The following ERC1 variants were observed in gnomAD, a reference collection of about 807,000 sequenced individuals.
ERC1 encodes RAB6 interacting protein 2.
ERC1 carries 56 observed loss-of-function variants against 132.0 expected under a neutral mutation model. That is an observed-to-expected ratio of 0.42 (90% CI 0.34 to 0.53). The LOEUF is 0.53. Among genes scored for constraint, ERC1 ranks in the 20% least tolerant of loss-of-function variants. ERC1 has a pLI of 0.03. For missense variants in ERC1, 1,202 were observed against 1,349.9 expected, an observed-to-expected ratio of 0.89 and a Z score of 1.72; for synonymous variants, 478 against 476.1, an observed-to-expected ratio of 1.00 and a Z score of -0.05.
At chr12:1,207,887 A>G (rs1276738416) in intron 12 of ERC1, among the ~76,000 whole-genome samples, 3 of 152,294 alleles carry the variant, frequency 2.0e-5, no homozygotes, top group Admixed American at 2.0e-4. Context: ...AAAAATATGG[A>G]TGCCCAGTTA....
At chr12:1,042,756 TA>T (rs1433457446) in intron 2 of ERC1, among the ~76,000 whole-genome samples, 1 of 152,186 alleles carries the variant, frequency 6.6e-6, no homozygotes, top group Non-Finnish European at 1.5e-5. Context: ...TTATAGGACT[TA>T]AAATTTGAAA....
At chr12:998,853 CTTTTTTTT>C (rs527367596) in intron 1 of ERC1, among the ~76,000 whole-genome samples, 3 of 102,466 alleles carry the variant, frequency 2.9e-5, no homozygotes, top group Non-Finnish European at 5.7e-5. Context: ...TTCTCTGTCA[CTTTTTTTT>C]TTTTTTTTTT....
At chr12:1,303,673 C>T (rs1220622263) in intron 15 of ERC1, among the ~76,000 whole-genome samples, 2 of 151,128 alleles carry the variant, frequency 1.3e-5, no homozygotes, top group African/African-American at 2.4e-5. Context: ...ATAATTCTAT[C>T]GGCCAGGCGT....
At chr12:1,195,559 G>T (rs975705595) in intron 12 of ERC1, among the ~76,000 whole-genome samples, 4 of 152,172 alleles carry the variant, frequency 2.6e-5, no homozygotes, top group African/African-American at 4.8e-5. Flanking sequence ...TTCTGGGAAT[G>T]ATTTTCTTAT....
intron 13 of ERC1, among the ~76,000 whole-genome samples, chr12:1,237,336 T>C (rs902498938): frequency 5.3e-5 from 8 of 152,286 alleles, no homozygotes; most frequent in Admixed American, 1.3e-4. Context: ...TATCTTTCCT[T>C]CCTTTCCTCT....
At chr12:1,184,188 A>AT (rs1394794371) in intron 11 of ERC1, among the ~76,000 whole-genome samples, 1 of 151,892 alleles carries the variant, frequency 6.6e-6, no homozygotes, top group African/African-American at 2.4e-5. Flanking sequence ...ATATTTTCTA[A>AT]TTTAACATAT....
At chr12:1,182,536 A>C (rs1198902639) in intron 10 of ERC1, among the ~76,000 whole-genome samples, 1 of 152,232 alleles carries the variant, frequency 6.6e-6, no homozygotes, top group African/African-American at 2.4e-5. Flanking sequence ...CATGCTATGT[A>C]ATCAGATGAT....
At chr12:1,007,199 T>A (rs1015826781) in intron 1 of ERC1, among the ~76,000 whole-genome samples, 2 of 152,014 alleles carry the variant, frequency 1.3e-5, no homozygotes, top group Admixed American at 6.6e-5. Context: ...TGAAATTGGG[T>A]TTGGATCATG....
intron 2 of ERC1, among the ~76,000 whole-genome samples, chr12:1,044,342 T>A (rs146456003): frequency 6.6e-6 from 1 of 152,354 alleles, no homozygotes; most frequent in East Asian, 1.9e-4. Context: ...TTGATCATAA[T>A]GCCCAAATTC....
intron 18 of ERC1, among the ~76,000 whole-genome samples, chr12:1,480,147 T>TTTG (rs2094059073): frequency 6.6e-6 from 1 of 151,942 alleles, no homozygotes; most frequent in Admixed American, 6.6e-5. Context: ...TGAGGAATAT[T>TTTG]TTGTAGTAGA....
intron 8 of ERC1, 92 bp from the exon 9 acceptor site, chr12:1,180,448 G>A (rs1954317666): frequency 2.5e-6 from 3 of 1,179,594 alleles, no homozygotes; most frequent in Non-Finnish European, 2.4e-6. Context: ...ACAACCCTGA[G>A]CTATCTGTTT....
chr12:1,190,375 C>G lies in ERC1; in HGVS notation c.2351+323C>G, dbSNP rs193125105. 1.6e-3 allele frequency among the ~76,000 whole-genome samples: 243 copies of G among 152,234 alleles called. 2 individuals carry two copies. The highest frequency in any genetic ancestry group is 3.4e-3 in the Middle Eastern group (1 of 294). The stretch of plus-strand genomic sequence containing the variant: ...GACAAATGTCTACTTTTTAATTTCT[C>G]TATATAATGATCAAATGATCCTCAA... On this transcript the variant is annotated intron_variant, in intron 12 of 18. Coordinates refer to ENST00000360905, the MANE Select transcript of ERC1 (RefSeq NM_178040.4).
intron 8 of ERC1, among the ~76,000 whole-genome samples, chr12:1,146,911 A>T (rs1037155524): frequency 4.6e-5 from 7 of 151,920 alleles, no homozygotes; most frequent in Admixed American, 1.3e-4. Context: ...GCTGACAATG[A>T]TGGTTTCCAG....
At chr12:1,126,372 GTC>G (rs1948163611) in intron 7 of ERC1, among the ~76,000 whole-genome samples, 2 of 27,260 alleles carry the variant, frequency 7.3e-5, no homozygotes, top group Non-Finnish European at 3.1e-4. Flanking sequence ...TGGAGAGATA[GTC>G]AGTCATAAAC....
At chr12:1,324,365 G>C (rs1473432378) in intron 15 of ERC1, among the ~76,000 whole-genome samples, 3 of 152,174 alleles carry the variant, frequency 2.0e-5, no homozygotes, top group Non-Finnish European at 4.4e-5. Context: ...TCTCACTTTG[G>C]AGCCTGCCAA....
intron 16 of ERC1, among the ~76,000 whole-genome samples, chr12:1,379,816 C>T (rs1412483763): frequency 6.6e-6 from 1 of 152,146 alleles, no homozygotes; most frequent in Non-Finnish European, 1.5e-5. Flanking sequence ...CATACCATCA[C>T]TTCTGCCTTA....
At chr12:1,285,690 A>C (rs746092097) in intron 14 of ERC1, among the ~76,000 whole-genome samples, 1 of 152,246 alleles carries the variant, frequency 6.6e-6, no homozygotes, top group African/African-American at 2.4e-5. Context: ...CCAGAGATTT[A>C]TATTGGTAAC....
At chr12:1,353,314 G>A (rs1047815365) in intron 15 of ERC1, among the ~76,000 whole-genome samples, 1 of 152,304 alleles carries the variant, frequency 6.6e-6, no homozygotes, top group African/African-American at 2.4e-5. Flanking sequence ...ACAGGCGTGA[G>A]CCACCGCGCC....
In ERC1 at chr12:1,184,568, G is replaced by C. The variant is rs191239598; in HGVS notation, c.2157+1147G>C. Among the ~76,000 whole-genome samples, 52 of 152,210 alleles carry C rather than the reference G, an allele frequency of 3.4e-4. 1 individual carries two copies. Among genetic ancestry groups the C allele is most frequent in the Admixed American group, 1.7e-3 (26 of 15,298 alleles). ...GTAGATTTCTTCTCTGTTTTGTTTGGAGTAGGAAATGACTGGTCTTGAGGT... is the reference window on the plus strand; with the variant it reads ...GTAGATTTCTTCTCTGTTTTGTTTGCAGTAGGAAATGACTGGTCTTGAGGT... On this transcript the variant is annotated intron_variant, in intron 11 of 18. Transcript: ENST00000360905.
Sources: allele counts gnomAD v4.1 joint callset (sites outside exome capture counted in the v4.1 genomes callset), GRCh38; gene constraint gnomAD v4.1.1; transcripts MANE v1.5; gene names NCBI Gene and HGNC (gene_info 2026-07-23, HGNC 2026-07-21).